Variants in FIP1L1 observed in about 807,000 individuals in gnomAD.
FIP1L1 encodes the protein factor interacting with PAPOLA and CPSF1, also known as pre-mRNA 3'-end-processing factor FIP1.
In FIP1L1, 21 loss-of-function variants were observed where a neutral mutation model predicts 84.6. The observed-to-expected ratio is 0.25, with a 90% CI of 0.18 to 0.36. The LOEUF is 0.36. FIP1L1 is among the 10% of genes least tolerant of loss of function. FIP1L1 has a pLI of 1.00. For missense variants in FIP1L1, 526 were observed against 751.1 expected (o/e 0.70, Z 3.50); for synonymous variants, 263 against 242.3 (o/e 1.09, Z -0.80).
Position 53,377,723 on chromosome 4 carries a change from T to C in FIP1L1, c.-116T>C. On this transcript the variant is annotated 5_prime_UTR_variant, in exon 1 of 18. Transcript: ENST00000337488. ...CTTCCTGGGATTGGAGTCTCGAGCT[T>C]TCTTCGTTCGTTCGTCGGCGGGTTC... 1 of 963,840 alleles carries C rather than the reference T, an allele frequency of 1.0e-6. No individual in the cohort carries two copies. The highest frequency in any genetic ancestry group is 3.3e-4 in the Middle Eastern group (1 of 3,048). The allele number at this position is 963,840 out of a possible 1,614,324, so 59.7% of individuals were successfully genotyped here.
chr4:53,427,905 A>G, intron 12 of FIP1L1, 122 bp from the exon 13 acceptor site: 1 of 819,740 alleles, frequency 1.2e-6, no homozygotes, highest in Non-Finnish European at 1.9e-6. Flanking sequence ...CCCCCCAAAA[A>G]TACATATATG....
intron 3 of FIP1L1, among the ~76,000 whole-genome samples, chr4:53,381,512 A>G (rs1407640938): frequency 1.3e-5 from 2 of 152,126 alleles, no homozygotes; most frequent in East Asian, 1.9e-4. Context: ...ATAGCTGCAT[A>G]TTTGTTTTCT....
intron 11 of FIP1L1, among the ~76,000 whole-genome samples, chr4:53,420,914 A>G (rs1762155900): frequency 6.6e-6 from 1 of 152,288 alleles, no homozygotes. Context: ...TTCTTTCTGG[A>G]GGGAACAAAA....
At chr4:53,442,586 C>G in intron 13 of FIP1L1, 67 bp from the exon 14 acceptor site, 1 of 1,109,136 alleles carries the variant, frequency 9.0e-7, no homozygotes, top group East Asian at 2.4e-5. Flanking sequence ...TATGCAGCAA[C>G]TTTGTTTCAC....
chr4:53,379,955 G>T (rs1202613576), intron 3 of FIP1L1, among the ~76,000 whole-genome samples: 3 of 152,194 alleles, frequency 2.0e-5, no homozygotes, highest in Non-Finnish European at 4.4e-5. Context: ...AAAAGTGGAA[G>T]ATATACAACT....
intron 10 of FIP1L1, among the ~76,000 whole-genome samples, chr4:53,411,292 G>T (rs1160380056): frequency 6.6e-6 from 1 of 152,032 alleles, no homozygotes; most frequent in Non-Finnish European, 1.5e-5. Flanking sequence ...AATTAGCAGG[G>T]CTATCACTAC....
At chr4:53,420,448 AGATAAATC>A (rs1425964349) in intron 11 of FIP1L1, among the ~76,000 whole-genome samples, 26 of 93,218 alleles carry the variant, frequency 2.8e-4, no homozygotes, top group African/African-American at 5.6e-4. Flanking sequence ...AAAAAAAAAA[AGATAAATC>A]AGACACTCAG....
intron 9 of FIP1L1, among the ~76,000 whole-genome samples, chr4:53,398,499 G>A (rs1199434428): frequency 6.6e-6 from 1 of 152,154 alleles, no homozygotes; most frequent in Non-Finnish European, 1.5e-5. Flanking sequence ...AATTGAATTG[G>A]TGGTTCAAAT....
chr4:53,409,308 C>T (rs1360162279), intron 10 of FIP1L1, among the ~76,000 whole-genome samples: 5 of 152,298 alleles, frequency 3.3e-5, no homozygotes, highest in East Asian at 1.9e-4. Context: ...TGCAGAACAG[C>T]GGATTTTCGT....
At chr4:53,422,557 A>G (rs1256723489) in intron 11 of FIP1L1, among the ~76,000 whole-genome samples, 1 of 152,108 alleles carries the variant, frequency 6.6e-6, no homozygotes, top group Non-Finnish European at 1.5e-5. Context: ...CCTTGCGCAT[A>G]GTAGGTGCTC....
At chr4:53,430,398 G>A (rs1180794913) in intron 13 of FIP1L1, among the ~76,000 whole-genome samples, 1 of 142,210 alleles carries the variant, frequency 7.0e-6, no homozygotes, top group Non-Finnish European at 1.5e-5. Context: ...GCCCAGGCTG[G>A]AGTGCAGTGG....
Position 53,444,098 on chromosome 4 carries a change from G to T in FIP1L1, c.1280G>T (p.Gly427Val). 6.3e-7 allele frequency: 1 copy of T among 1,594,210 alleles called. No individual in the cohort carries two copies. Among genetic ancestry groups the T allele is most frequent in the Non-Finnish European group, 8.6e-7 (1 of 1,162,244 alleles). The change falls in exon 15 of 18, where the codon GGC (glycine) becomes GTC (valine). Residue 427 changes from glycine (G) to valine (V), a missense_variant. Physicochemically the swap from Gly to Val is moderately radical, Grantham distance 109. Coordinates refer to ENST00000337488, the MANE Select transcript of FIP1L1 (RefSeq NM_030917.4). ...DSRSARAFPY[G>V]NVAFPHLPGS... ...CGTTCTGCACGTGCATTTCCATATG[G>T]CAATGGTAAGTAGTATTATTTAGAT...
chr4:53,396,171 G>A (rs1406413696), intron 9 of FIP1L1, among the ~76,000 whole-genome samples: 2 of 152,020 alleles, frequency 1.3e-5, no homozygotes, highest in Non-Finnish European at 2.9e-5. Flanking sequence ...CACCCGCCTC[G>A]GCCTCCTGAA....
intron 10 of FIP1L1, among the ~76,000 whole-genome samples, chr4:53,410,933 C>T (rs1756919928): frequency 1.3e-5 from 2 of 151,692 alleles, no homozygotes; most frequent in African/African-American, 4.9e-5. Flanking sequence ...GATATATCCT[C>T]CACTGAGGGT....
intron 6 of FIP1L1, 29 bp from the exon 7 acceptor site, chr4:53,390,492 C>T: frequency 7.0e-7 from 1 of 1,429,574 alleles, no homozygotes; most frequent in Non-Finnish European, 9.8e-7. Flanking sequence ...GCAAGTATAG[C>T]TCCTTCATTT....
intron 13 of FIP1L1, among the ~76,000 whole-genome samples, chr4:53,436,042 C>T (rs1237430911): frequency 6.6e-6 from 1 of 151,300 alleles, no homozygotes; most frequent in Non-Finnish European, 1.5e-5. Flanking sequence ...ATAGTGCCGA[C>T]GGAACTTGGA....
intron 16 of FIP1L1, among the ~76,000 whole-genome samples, chr4:53,456,008 A>G (rs1477553615): frequency 2.0e-5 from 3 of 152,238 alleles, no homozygotes; most frequent in East Asian, 3.9e-4. Context: ...ACTTTAGCCA[A>G]TTGGAAATGT....
Position 53,405,642 on chromosome 4 carries a change from A to G in FIP1L1, c.815+5803A>G, listed in dbSNP as rs1348325031. Reference sequence around the variant, plus strand: ...ATATTGATTCTTCCTACCCATGAGCATGGAATGTTCTTCCATTTGTTTGTG... The same window carrying G: ...ATATTGATTCTTCCTACCCATGAGCGTGGAATGTTCTTCCATTTGTTTGTG... On this transcript the variant is annotated intron_variant, in intron 10 of 17. Transcript: ENST00000337488. Among the ~76,000 whole-genome samples, 14 of 145,916 alleles carry G rather than the reference A, an allele frequency of 9.6e-5. No homozygotes were observed. In the East Asian group the frequency reaches 1.8e-3, roughly 19 times the overall value.
At chr4:53,401,606 G>C (rs529198051) in intron 10 of FIP1L1, among the ~76,000 whole-genome samples, 1 of 152,208 alleles carries the variant, frequency 6.6e-6, no homozygotes, top group Non-Finnish European at 1.5e-5. Context: ...AGCCTATCTT[G>C]ATGGATTGGA....
Sources: gnomAD v4.1 joint callset for allele counts (sites outside exome capture counted in the v4.1 genomes callset) on GRCh38, gnomAD v4.1.1 for gene constraint, MANE v1.5 for transcripts, NCBI Gene and HGNC (gene_info 2026-07-23, HGNC 2026-07-21) for gene names.